The following MYOF variants were observed in gnomAD, a reference collection of about 807,000 sequenced individuals.
MYOF encodes the protein fer-1-like 3, myoferlin.
In MYOF, 244 loss-of-function variants were observed where a neutral mutation model predicts 284.2. The ratio of observed to expected loss-of-function variants is 0.86; its 90% CI spans 0.77 to 0.95. MYOF has a LOEUF of 0.95. Ranked by LOEUF, MYOF falls within the 40% of genes least tolerant of loss-of-function variation. The pLI, the probability that MYOF is intolerant of heterozygous loss-of-function variation, is 0.00. For synonymous variants in MYOF, 904 were observed against 919.7 expected (o/e 0.98, Z 0.31); for missense variants, 2,496 against 2,560.6 (o/e 0.97, Z 0.54).
Position 93,359,888 on chromosome 10 carries a change from C to T in MYOF, c.3065G>A (p.Arg1022Lys), listed in dbSNP as rs747001974. Residue 1022 changes from arginine to lysine, a missense_variant, in exon 29 of 54, where the codon AGG (arginine) becomes AAG (lysine). Arg to Lys is a conservative substitution (Grantham distance 26). Around this residue, in one of 3 missense-constraint regions of MYOF, gnomAD observed 2,436 missense variants for 2,480.7 expected, o/e 0.98. Coordinates refer to ENST00000359263, the MANE Select transcript of MYOF (RefSeq NM_013451.4). ...ATCTTTCTTGCGTTTTCGGACCAGC[C>T]TTCGCCGTCTATGAGTGTGGTACAT... ...EKMYHTHRRRRLVRKRKKDLT... is the reference protein window; with the variant it reads ...EKMYHTHRRRKLVRKRKKDLT... 1.2e-6 allele frequency: 2 copies of T among 1,614,056 alleles called. No homozygotes were observed. Among genetic ancestry groups the T allele is most frequent in the African/African-American group, 2.7e-5 (2 of 74,924 alleles).
chr10:93,316,985 A>G (rs1487628769), intron 49 of MYOF, among the ~76,000 whole-genome samples, 172 bp from the exon 50 acceptor site: 1 of 151,496 alleles, frequency 6.6e-6, no homozygotes, highest in African/African-American at 2.4e-5. Context: ...TCCCCAGGAA[A>G]TCACAAGCTG....
intron 19 of MYOF, among the ~76,000 whole-genome samples, chr10:93,384,667 A>G (rs1589478761): frequency 6.7e-6 from 1 of 150,294 alleles, no homozygotes; most frequent in East Asian, 2.0e-4. Flanking sequence ...AAAAAAGAAG[A>G]ATGTAAGTTG....
intron 1 of MYOF, among the ~76,000 whole-genome samples, chr10:93,473,436 T>C (rs980496183): frequency 6.6e-6 from 1 of 152,212 alleles, no homozygotes; most frequent in Non-Finnish European, 1.5e-5. Flanking sequence ...CAGTTGGATG[T>C]AGAGTCAAGA....
intron 7 of MYOF, among the ~76,000 whole-genome samples, chr10:93,404,980 C>T (rs890865861): frequency 6.6e-6 from 1 of 152,188 alleles, no homozygotes; most frequent in African/African-American, 2.4e-5. Flanking sequence ...AGATTGAACA[C>T]TTACTCCAAC....
chr10:93,408,121 G>A (rs949938965), intron 7 of MYOF, among the ~76,000 whole-genome samples: 11 of 151,970 alleles, frequency 7.2e-5, no homozygotes, highest in African/African-American at 1.9e-4. Flanking sequence ...CACTCCTCCC[G>A]TCTCAGCCTC....
chr10:93,309,968 C>A (rs1842307519), intron 53 of MYOF, 52 bp downstream of exon 53: 1 of 1,609,482 alleles, frequency 6.2e-7, no homozygotes, highest in Non-Finnish European at 8.5e-7. Context: ...GGGAGAGGAC[C>A]AACTGCAACT....
At chr10:93,473,241 G>T (rs2057189266) in intron 1 of MYOF, among the ~76,000 whole-genome samples, 1 of 152,206 alleles carries the variant, frequency 6.6e-6, no homozygotes, top group African/African-American at 2.4e-5. Flanking sequence ...GAGACAGGCT[G>T]CAGAGTTCAT....
At chr10:93,377,918 T>A (rs1425727574) in intron 21 of MYOF, among the ~76,000 whole-genome samples, 3 of 152,192 alleles carry the variant, frequency 2.0e-5, no homozygotes, top group African/African-American at 4.8e-5. Context: ...ATTGGAAGTA[T>A]CTTTATGAAG....
chr10:93,347,506 T>A, intron 37 of MYOF, 111 bp downstream of exon 37: 3 of 992,180 alleles, frequency 3.0e-6, no homozygotes, highest in Non-Finnish European at 3.9e-6. Flanking sequence ...GAGCCGAGAT[T>A]GCGCCACTGC....
In MYOF at chr10:93,428,721, A is replaced by T. The variant is rs146534433; in HGVS notation, c.346-2563T>A. Among the ~76,000 whole-genome samples, 245 of 152,288 alleles carry T rather than the reference A, an allele frequency of 1.6e-3. 2 individuals carry two copies. Among genetic ancestry groups the T allele is most frequent in the Non-Finnish European group, 2.6e-3 (175 of 68,030 alleles). On this transcript the variant is annotated intron_variant, in intron 4 of 53. Transcript: ENST00000359263. ...CTGGAAGGGACTGAACAGGATAAGG[A>T]ATACGACCCTAGCCACAGTTTCACA... is the stretch of plus-strand genomic sequence containing the variant.
chr10:93,428,265 C>T (rs557773139), intron 4 of MYOF, among the ~76,000 whole-genome samples: 74 of 150,320 alleles, frequency 4.9e-4, no homozygotes, highest in African/African-American at 1.7e-3. Context: ...GGCACAATCT[C>T]AGCTCACTGC....
rs1589361181 is a variant in MYOF, at chr10:93,306,739, TAG to T, written c.*222_*223del. The T allele has an allele frequency of 1.4e-5, 7 of 488,418 alleles. 1 individual carries two copies. The East Asian group carries it at 2.5e-4, about 17-fold the overall frequency. 30.3% of individuals were successfully genotyped at this position (488,418 alleles called of 1,614,324 possible). A position where few individuals can be genotyped will look rare whatever the true frequency, so the allele number is the denominator to read the frequency against. The stretch of plus-strand genomic sequence containing the variant: ...ATTTTGAAAAACATGATTTAAACTT[TAG>T]AAAATAAAACTTTTAATACTTAAGA... On this transcript the variant is annotated 3_prime_UTR_variant, in exon 54 of 54. Transcript: ENST00000359263.
chr10:93,377,023 G>A (rs914828283), intron 22 of MYOF, among the ~76,000 whole-genome samples: 9 of 152,174 alleles, frequency 5.9e-5, no homozygotes, highest in African/African-American at 2.2e-4. Flanking sequence ...AGAAGCAGAG[G>A]CTCAGGCTTG....
At chr10:93,457,828 G>A (rs1022564023) in intron 1 of MYOF, among the ~76,000 whole-genome samples, 1 of 150,044 alleles carries the variant, frequency 6.7e-6, no homozygotes, top group Non-Finnish European at 1.5e-5. Context: ...CTGCCTCCCA[G>A]CTCAAGAGAT....
At chr10:93,458,892 T>C (rs1248230085) in intron 1 of MYOF, among the ~76,000 whole-genome samples, 2 of 152,236 alleles carry the variant, frequency 1.3e-5, no homozygotes, top group Admixed American at 6.5e-5. Flanking sequence ...TTAGCTAATG[T>C]CACATTGCTT....
chr10:93,441,191 C>T (rs1188791498), intron 3 of MYOF, among the ~76,000 whole-genome samples: 3 of 152,126 alleles, frequency 2.0e-5, no homozygotes, highest in Non-Finnish European at 4.4e-5. Context: ...GTCACATTTA[C>T]ATGGGGCAAG....
intron 46 of MYOF, among the ~76,000 whole-genome samples, chr10:93,325,444 C>T (rs1843003859): frequency 6.6e-6 from 1 of 152,128 alleles, no homozygotes. Context: ...CAAGTTTGGG[C>T]AACAAATCCC....
At chr10:93,395,885 T>C (rs1431628553) in intron 16 of MYOF, among the ~76,000 whole-genome samples, 2 of 150,960 alleles carry the variant, frequency 1.3e-5, no homozygotes, top group South Asian at 4.3e-4. Context: ...ATCTTCAAAC[T>C]GTAAATTTCA....
At chr10:93,444,113 G>A (rs1401836659) in intron 3 of MYOF, among the ~76,000 whole-genome samples, 1 of 152,196 alleles carries the variant, frequency 6.6e-6, no homozygotes, top group East Asian at 1.9e-4. Flanking sequence ...TGGAACTAGG[G>A]TGCTGTTTCA....
Sources: allele counts gnomAD v4.1 joint callset (sites outside exome capture counted in the v4.1 genomes callset), GRCh38; gene constraint gnomAD v4.1.1; regional missense constraint gnomAD v4.1.1; transcripts MANE v1.5; gene names NCBI Gene and HGNC (gene_info 2026-07-23, HGNC 2026-07-21).